CTNND2: variants seen among roughly 807,000 people sequenced by gnomAD.
CTNND2 encodes catenin delta-2.
CTNND2 carries 22 observed loss-of-function variants against 144.4 expected under a neutral mutation model. The observed-to-expected ratio is 0.15, with a 90% confidence interval of 0.11 to 0.22. CTNND2 has a LOEUF of 0.22. Ranked by LOEUF, CTNND2 falls within the 10% of genes least tolerant of loss-of-function variation. The probability of loss-of-function intolerance (pLI) is 1.00; values close to 1 mark genes in which losing one functional copy is unlikely to be tolerated. For missense variants in CTNND2, 1,353 were observed against 1,618.8 expected (o/e 0.84, Z 2.82); for synonymous variants, 751 against 695.6 (o/e 1.08, Z -1.25).
chr5:11,504,074 T>C (rs1770777764), intron 3 of CTNND2, among the ~76,000 whole-genome samples: 1 of 152,228 alleles, frequency 6.6e-6, no homozygotes, highest in African/African-American at 2.4e-5. Flanking sequence ...AAAGAATCAT[T>C]ATATTTATCA....
chr5:11,819,993 T>A (rs1356175514), intron 1 of CTNND2, among the ~76,000 whole-genome samples: 2 of 152,312 alleles, frequency 1.3e-5, no homozygotes, highest in East Asian at 3.9e-4. Flanking sequence ...TTCCAATCCC[T>A]GTCTTTCAGG....
At chr5:11,872,674 TGTC>T (rs1289249546) in intron 1 of CTNND2, among the ~76,000 whole-genome samples, 1 of 129,976 alleles carries the variant, frequency 7.7e-6, no homozygotes, top group Non-Finnish European at 1.8e-5. Flanking sequence ...GCTGCATAAA[TGTC>T]TTCTTTTGAG....
intron 16 of CTNND2, among the ~76,000 whole-genome samples, chr5:11,061,771 C>T (rs950753533): frequency 3.9e-5 from 6 of 151,944 alleles, no homozygotes; most frequent in Non-Finnish European, 4.4e-5. Flanking sequence ...TACAGTGGTG[C>T]AATCTCGGCT....
At chr5:11,201,528 C>T (rs538430650) in intron 10 of CTNND2, among the ~76,000 whole-genome samples, 7 of 152,190 alleles carry the variant, frequency 4.6e-5, no homozygotes, top group East Asian at 3.9e-4. Context: ...CTGATGATTC[C>T]GAATATGCCT....
intron 3 of CTNND2, among the ~76,000 whole-genome samples, chr5:11,418,714 A>G (rs916792913): frequency 1.7e-4 from 26 of 152,162 alleles, no homozygotes; most frequent in African/African-American, 6.0e-4. Flanking sequence ...CTACTTGGAT[A>G]TTGGGAGAAA....
At chr5:11,010,199 A>C (rs1203279161) in intron 18 of CTNND2, among the ~76,000 whole-genome samples, 2 of 152,216 alleles carry the variant, frequency 1.3e-5, no homozygotes, top group Non-Finnish European at 2.9e-5. Flanking sequence ...AAGATTAATA[A>C]ATTCCCATTA....
chr5:11,381,977 A>AAAAAC (rs70949320), intron 7 of CTNND2, among the ~76,000 whole-genome samples: 2,221 of 151,112 alleles, frequency 0.015, 32 homozygotes, highest in African/African-American at 0.027. Context: ...AAAAAAACAA[A>AAAAAC]AAAACAAAAC....
At chr5:11,873,844 T>G (rs1735347020) in intron 1 of CTNND2, among the ~76,000 whole-genome samples, 1 of 152,148 alleles carries the variant, frequency 6.6e-6, no homozygotes, top group African/African-American at 2.4e-5. Context: ...TGCACTGACC[T>G]TCAACACATC....
At chr5:11,870,764 T>C (rs890085709) in intron 1 of CTNND2, among the ~76,000 whole-genome samples, 1 of 152,124 alleles carries the variant, frequency 6.6e-6, no homozygotes, top group Non-Finnish European at 1.5e-5. Context: ...GGCAGGAAAA[T>C]GGAAGTTAAT....
At chr5:11,243,615 C>A (rs1742679358) in intron 9 of CTNND2, among the ~76,000 whole-genome samples, 2 of 152,200 alleles carry the variant, frequency 1.3e-5, no homozygotes, top group Admixed American at 1.3e-4. Context: ...GCAAATGTAA[C>A]CTTTTCTCCA....
At chr5:11,299,389 G>A (rs758266940) in intron 9 of CTNND2, among the ~76,000 whole-genome samples, 1 of 152,092 alleles carries the variant, frequency 6.6e-6, no homozygotes, top group Non-Finnish European at 1.5e-5. Flanking sequence ...ACTCTTAGAA[G>A]AGTCTCACCC....
intron 3 of CTNND2, among the ~76,000 whole-genome samples, chr5:11,509,345 G>A (rs1178360587): frequency 6.6e-6 from 1 of 150,888 alleles, no homozygotes; most frequent in East Asian, 1.9e-4. Flanking sequence ...AATTATACAT[G>A]TTGTGGAACT....
At chr5:11,508,289 T>A (rs377382025) in intron 3 of CTNND2, 1 of 152,330 alleles carries the variant, frequency 6.6e-6, no homozygotes, top group East Asian at 1.9e-4. Context: ...CACACTGCAT[T>A]TGAAGACAAT....
chr5:11,775,601 G>A (rs1314346758), intron 1 of CTNND2, among the ~76,000 whole-genome samples: 2 of 152,160 alleles, frequency 1.3e-5, no homozygotes, highest in African/African-American at 4.8e-5. Flanking sequence ...AGGAGAGCTT[G>A]CTCCTTCCCC....
At chr5:11,792,417 C>T (rs1581892588) in intron 1 of CTNND2, among the ~76,000 whole-genome samples, 2 of 152,282 alleles carry the variant, frequency 1.3e-5, no homozygotes, top group South Asian at 2.1e-4. Flanking sequence ...GCTTATGTTT[C>T]GCTTTCCATT....
chr5:11,687,897 G>A (rs1261886431), intron 2 of CTNND2, among the ~76,000 whole-genome samples: 1 of 152,166 alleles, frequency 6.6e-6, no homozygotes, highest in African/African-American at 2.4e-5. Context: ...AGGTGAGAAG[G>A]TGAGCCACAC....
At chr5:11,794,434 T>C (rs975385360) in intron 1 of CTNND2, among the ~76,000 whole-genome samples, 1 of 152,230 alleles carries the variant, frequency 6.6e-6, no homozygotes, top group Non-Finnish European at 1.5e-5. Context: ...TGCTACATGC[T>C]GTAAGAGATC....
chr5:11,240,359 TCA>T (rs1491179949), intron 9 of CTNND2, among the ~76,000 whole-genome samples: 4 of 30,980 alleles, frequency 1.3e-4, no homozygotes, highest in African/African-American at 2.7e-4. Flanking sequence ...ACACACACAT[TCA>T]CACACACCCA....
chr5:11,505,556 T>C (rs551495740), intron 3 of CTNND2, among the ~76,000 whole-genome samples: 7 of 152,180 alleles, frequency 4.6e-5, no homozygotes, highest in Non-Finnish European at 8.8e-5. Flanking sequence ...TGTTTTGTCA[T>C]GTTGTCTCCT....
Sources: gnomAD v4.1 joint callset for allele counts (sites outside exome capture counted in the v4.1 genomes callset) on GRCh38, gnomAD v4.1.1 for gene constraint, MANE v1.5 for transcripts, NCBI Gene and HGNC (gene_info 2026-07-23, HGNC 2026-07-21) for gene names.